The following COL4A2 variants were observed in gnomAD, a reference collection of about 807,000 sequenced individuals.
COL4A2 encodes collagen type IV alpha 2 chain.
In COL4A2, 99 loss-of-function variants were observed where a neutral mutation model predicts 200.2. The observed-to-expected ratio is 0.49, with a 90% CI of 0.42 to 0.58. The LOEUF is 0.58. Ranked by LOEUF, COL4A2 falls within the 20% of genes least tolerant of loss-of-function variation. COL4A2 has a pLI of 0.00. For synonymous variants in COL4A2, 897 were observed against 900.6 expected (o/e 1.00, Z 0.07); for missense variants, 1,950 against 2,314.1 (o/e 0.84, Z 3.23).
intron 37 of COL4A2, 87 bp downstream of exon 37, chr13:110,491,427 C>G (rs1276587962): frequency 1.2e-6 from 1 of 865,750 alleles, no homozygotes; most frequent in African/African-American, 1.7e-5. Flanking sequence ...TCAATTTCCT[C>G]CAATCACACC....
At chr13:110,491,126 T>A (rs1161801078) in intron 36 of COL4A2, 107 bp from the exon 37 acceptor site, 4 of 763,118 alleles carry the variant, frequency 5.2e-6, no homozygotes, top group Non-Finnish European at 6.9e-6. Flanking sequence ...CTCTCTCCAT[T>A]CCTGAAGGAG....
intron 3 of COL4A2, among the ~76,000 whole-genome samples, chr13:110,352,289 A>G (rs1420321320): frequency 6.6e-6 from 1 of 151,644 alleles, no homozygotes; most frequent in African/African-American, 2.4e-5. Flanking sequence ...GCAGGCCTGA[A>G]CACAGCCAGT....
Position 110,480,341 on chromosome 13 carries a change from C to T in COL4A2, c.2709C>T (p.Ser903=). The change falls in exon 31 of 48, where the codon AGC becomes AGT. Residue 903 remains serine (S), a synonymous_variant. Transcript: ENST00000360467. The part of the protein sequence containing the change: ...GFTGEQGHPG[S]PGFKGIDGMP... ...CAGGGGAGCAAGGCCATCCAGGAAG[C>T]CCTGGATTTAAAGGAATTGATGGAA... is the stretch of plus-strand genomic sequence containing the variant. 6.2e-7 allele frequency: 1 copy of T among 1,613,680 alleles called. No homozygotes were observed. The highest frequency in any genetic ancestry group is 8.5e-7 in the Non-Finnish European group (1 of 1,179,788).
chr13:110,482,691 G>C (rs1322127503), intron 32 of COL4A2, 32 bp downstream of exon 32: 1 of 1,599,950 alleles, frequency 6.3e-7, no homozygotes, highest in Non-Finnish European at 8.6e-7. Flanking sequence ...CTCCTTACCT[G>C]GTCATGGTGG....
intron 20 of COL4A2, chr13:110,456,400 T>G: frequency 3.7e-6 from 1 of 271,540 alleles, no homozygotes; most frequent in Non-Finnish European, 7.2e-6. Flanking sequence ...GGAAACTGAG[T>G]TCATCTTTTT....
At chr13:110,330,542 C>T (rs1875859163) in intron 3 of COL4A2, among the ~76,000 whole-genome samples, 1 of 152,194 alleles carries the variant, frequency 6.6e-6, no homozygotes, top group Non-Finnish European at 1.5e-5. Context: ...AGAGGATAAA[C>T]CTCCTCAGGC....
intron 4 of COL4A2, among the ~76,000 whole-genome samples, chr13:110,379,406 A>G (rs9559784): frequency 0.99 from 151,419 of 152,360 alleles, 75,250 homozygotes; most frequent in South Asian, 1. Flanking sequence ...ATTCCTTGGC[A>G]TGACCTTCCA....
intron 29 of COL4A2, among the ~76,000 whole-genome samples, chr13:110,475,373 G>C (rs1044447975): frequency 6.6e-5 from 10 of 152,200 alleles, no homozygotes; most frequent in South Asian, 2.1e-4. Context: ...TAGGTGACTC[G>C]AGTGTCCACC....
chr13:110,409,950 G>A (rs1471624233), intron 4 of COL4A2, among the ~76,000 whole-genome samples: 12 of 151,712 alleles, frequency 7.9e-5, no homozygotes, highest in Non-Finnish European at 1.2e-4. Context: ...CGTCCCGCCC[G>A]CCCCAGAGCC....
chr13:110,409,680 T>C (rs1879754834), intron 4 of COL4A2, among the ~76,000 whole-genome samples: 1 of 152,236 alleles, frequency 6.6e-6, no homozygotes, highest in African/African-American at 2.4e-5. Context: ...TAATGTCACT[T>C]GGTTTCCTCT....
chr13:110,451,658 C>A (rs9301456), intron 20 of COL4A2, among the ~76,000 whole-genome samples: 41,458 of 152,118 alleles, frequency 0.27, 5,817 homozygotes, highest in Middle Eastern at 0.42. Flanking sequence ...TCCATGATTC[C>A]ATTACCTCCT....
rs572700656 is a variant in COL4A2, at chr13:110,383,450, G to A, written c.180+25898G>A. Among the ~76,000 whole-genome samples the A allele has an allele frequency of 7.9e-5, 12 of 152,292 alleles. No individual in the cohort carries two copies. In the East Asian group the frequency reaches 1.2e-3, roughly 15 times the overall value. ...AATGCTAATACTGTACTGCAGTGCA[G>A]TTGTGGTTTTGAGAGTTACATTCAT... On this transcript the variant is annotated intron_variant, in intron 4 of 47. Coordinates refer to ENST00000360467, the MANE Select transcript of COL4A2 (RefSeq NM_001846.4).
chr13:110,434,551 A>G lies in COL4A2; in HGVS notation c.726+109A>G, dbSNP rs139198336. On this transcript the variant is annotated intron_variant, in intron 12 of 47. Transcript: ENST00000360467. The stretch of plus-strand genomic sequence containing the variant: ...GCTGTAAAACTTTTACCTTGAGTTG[A>G]TCTGCAGACAGACCATTTGCATAGG... 1,047 of 1,108,158 alleles carry G rather than the reference A, an allele frequency of 9.4e-4. 2 individuals are homozygous for G. Among genetic ancestry groups the G allele is most frequent in the Non-Finnish European group, 1.2e-3 (925 of 742,878 alleles). The allele number at this position is 1,108,158 out of a possible 1,614,324, so 68.6% of individuals were successfully genotyped here. A position where few individuals can be genotyped will look rare whatever the true frequency, so the allele number is the denominator to read the frequency against.
chr13:110,406,797 C>T (rs1414058377), intron 4 of COL4A2, among the ~76,000 whole-genome samples: 1 of 152,204 alleles, frequency 6.6e-6, no homozygotes, highest in Non-Finnish European at 1.5e-5. Flanking sequence ...ATGTATACAT[C>T]TGTGCGTGTG....
chr13:110,454,744 G>A (rs1384287294), intron 20 of COL4A2, among the ~76,000 whole-genome samples: 2 of 152,072 alleles, frequency 1.3e-5, no homozygotes, highest in Non-Finnish European at 2.9e-5. Context: ...CCACATGAAA[G>A]TACATGCAGT....
At chr13:110,425,154 TCAGA>T (rs773668128) in intron 6 of COL4A2, among the ~76,000 whole-genome samples, 157 bp downstream of exon 6, 25 of 152,354 alleles carry the variant, frequency 1.6e-4, no homozygotes, top group South Asian at 8.3e-4. Context: ...CGGAATTCAG[TCAGA>T]CAGTGAACAA....
intron 3 of COL4A2, among the ~76,000 whole-genome samples, chr13:110,336,069 G>A (rs1556123): frequency 0.89 from 135,283 of 152,242 alleles, 61,251 homozygotes; most frequent in Middle Eastern, 0.98. Flanking sequence ...AATGAAGACT[G>A]CAAAAATTTG....
chr13:110,356,942 T>A (rs1026664666), intron 3 of COL4A2, among the ~76,000 whole-genome samples: 10 of 152,108 alleles, frequency 6.6e-5, no homozygotes, highest in African/African-American at 2.2e-4. Flanking sequence ...ATTTTTGTAT[T>A]TTTAGTAGAG....
At chr13:110,494,856 C>T (rs1217699284) in intron 39 of COL4A2, among the ~76,000 whole-genome samples, 1 of 152,236 alleles carries the variant, frequency 6.6e-6, no homozygotes, top group Non-Finnish European at 1.5e-5. Context: ...CGTAAATTCA[C>T]GCACTCCTGC....
Sources: gnomAD v4.1 joint callset for allele counts (sites outside exome capture counted in the v4.1 genomes callset) on GRCh38, gnomAD v4.1.1 for gene constraint, MANE v1.5 for transcripts, NCBI Gene and HGNC (gene_info 2026-07-23, HGNC 2026-07-21) for gene names.